Variants in ACTG2 observed in about 807,000 individuals in gnomAD.
ACTG2 encodes the protein actin, gamma-enteric smooth muscle.
ACTG2 carries 16 observed loss-of-function variants against 37.6 expected under a neutral mutation model. The ratio of observed to expected loss-of-function variants is 0.43; its 90% CI spans 0.29 to 0.65. The LOEUF is 0.65. Among genes scored for constraint, ACTG2 ranks in the 30% least tolerant of loss-of-function variants. The probability of loss-of-function intolerance (pLI) is 0.18; values close to 1 mark genes in which losing one functional copy is unlikely to be tolerated. For missense variants in ACTG2, 238 were observed against 490.9 expected (o/e 0.48, Z 4.87); for synonymous variants, 181 against 179.9 (o/e 1.01, Z -0.05).
intron 3 of ACTG2, among the ~76,000 whole-genome samples, chr2:73,906,839 T>C (rs1014173491): frequency 1.4e-4 from 21 of 152,288 alleles, no homozygotes; most frequent in Admixed American, 9.8e-4. Flanking sequence ...GTATAAAAAC[T>C]CCAAAAAAGA....
At chr2:73,913,434 G>A (rs1220114955) in intron 5 of ACTG2, 51 bp from the exon 6 acceptor site, 15 of 1,510,034 alleles carry the variant, frequency 9.9e-6, no homozygotes, top group Middle Eastern at 1.8e-4. Flanking sequence ...GAAAGAGACT[G>A]ATGAAAGGCA....
intron 5 of ACTG2, among the ~76,000 whole-genome samples, chr2:73,911,387 C>G (rs1212646398): frequency 6.6e-6 from 1 of 151,952 alleles, no homozygotes; most frequent in East Asian, 1.9e-4. Context: ...GTCCCAGCTA[C>G]TCGGTAGGCT....
intron 8 of ACTG2, 60 bp from the exon 9 acceptor site, chr2:73,919,372 G>T: frequency 6.4e-7 from 1 of 1,550,452 alleles, no homozygotes; most frequent in South Asian, 1.2e-5. Flanking sequence ...GTAGATTTTT[G>T]GACCACCTTG....
rs1679871289 is a variant in ACTG2 at position 73,901,446 on chromosome 2, T to C, written c.126+9T>C. On this transcript the variant is annotated intron_variant, in intron 2 of 8. Coordinates refer to ENST00000345517, the MANE Select transcript of ACTG2 (RefSeq NM_001615.4). ...GCCGCCCTCGCCACCAGGTGCGTGC[T>C]CATCTGGATACCACCAGGCTTTGAG... The C allele has an allele frequency of 6.2e-7, 1 of 1,613,682 alleles. No homozygotes were observed. The highest frequency in any genetic ancestry group is 8.5e-7 in the Non-Finnish European group (1 of 1,179,892).
Position 73,916,687 on chromosome 2 carries a change from C to A in ACTG2, c.909C>A (p.Gly303=). Residue 303 remains glycine, a synonymous_variant, in exon 8 of 9, where the codon GGC becomes GGA. Transcript: ENST00000345517. The part of the protein sequence containing the change: ...DLYANNVLSG[G]TTMYPGIADR... ...ATGCCAACAATGTCCTCTCTGGGGGCACCACCATGTACCCTGGCATTGCTG... is the reference window on the plus strand; with the variant it reads ...ATGCCAACAATGTCCTCTCTGGGGGAACCACCATGTACCCTGGCATTGCTG... 6.2e-7 allele frequency: 1 copy of A among 1,614,184 alleles called. No homozygotes were observed. Among genetic ancestry groups the A allele is most frequent in the Non-Finnish European group, 8.5e-7 (1 of 1,180,030 alleles).
intron 1 of ACTG2, among the ~76,000 whole-genome samples, chr2:73,899,051 C>G (rs1461559720): frequency 2.0e-5 from 3 of 152,026 alleles, no homozygotes; most frequent in African/African-American, 7.2e-5. Flanking sequence ...ACGTCGTGAT[C>G]CGCCCACCTT....
chr2:73,908,051 A>G (rs1680050272), intron 3 of ACTG2, among the ~76,000 whole-genome samples: 1 of 152,256 alleles, frequency 6.6e-6, no homozygotes. Flanking sequence ...AATGTCCTAC[A>G]GAAATGTGCA....
At chr2:73,913,437 G>A in intron 5 of ACTG2, 48 bp from the exon 6 acceptor site, 1 of 1,513,834 alleles carries the variant, frequency 6.6e-7, no homozygotes, top group Non-Finnish European at 8.9e-7. Flanking sequence ...AGAGACTGAT[G>A]AAAGGCAAGA....
At chr2:73,904,248 CAAAAAAAAA>C (rs61261289) in intron 3 of ACTG2, among the ~76,000 whole-genome samples, 1 of 65,208 alleles carries the variant, frequency 1.5e-5, no homozygotes, top group Non-Finnish European at 2.6e-5. Flanking sequence ...GACCATGTCT[CAAAAAAAAA>C]AAAAAAAAAA....
In ACTG2 at chr2:73,914,877, G is replaced by T; in HGVS notation, c.805+6G>T. 6.4e-7 allele frequency: 1 copy of T among 1,564,310 alleles called. No individual in the cohort carries two copies. Among genetic ancestry groups the T allele is most frequent in the Non-Finnish European group, 8.7e-7 (1 of 1,148,430 alleles). ...CTTCCAGCCTTCCTTTATTGGTGAG[G>T]TGCTGCCCACAGTCCCTGCCAATCT... On this transcript the variant is annotated splice_donor_region_variant and intron_variant, in intron 7 of 8. Transcript: ENST00000345517.
intron 1 of ACTG2, among the ~76,000 whole-genome samples, chr2:73,898,904 G>T (rs376106769): frequency 6.8e-6 from 1 of 146,804 alleles, no homozygotes; most frequent in African/African-American, 2.5e-5. Flanking sequence ...CCGGGTTCAC[G>T]CCATTCTCCT....
intron 5 of ACTG2, among the ~76,000 whole-genome samples, chr2:73,912,358 A>G (rs184397149): frequency 6.6e-6 from 1 of 152,292 alleles, no homozygotes; most frequent in East Asian, 1.9e-4. Flanking sequence ...GGGTTTCACC[A>G]TGTTGGCCAG....
intron 3 of ACTG2, among the ~76,000 whole-genome samples, chr2:73,907,716 G>T (rs1233330022): frequency 1.3e-5 from 2 of 152,128 alleles, no homozygotes; most frequent in Non-Finnish European, 2.9e-5. Context: ...TCTTAACCAG[G>T]ATGATTTTGC....
At chr2:73,908,230 G>A in intron 3 of ACTG2, 1 of 468,472 alleles carries the variant, frequency 2.1e-6, no homozygotes, top group South Asian at 1.5e-5. Context: ...CTGTGCTCAT[G>A]GAGGGCCACG....
intron 5 of ACTG2, among the ~76,000 whole-genome samples, chr2:73,912,323 A>T (rs1292584038): frequency 6.6e-6 from 1 of 152,038 alleles, no homozygotes; most frequent in East Asian, 1.9e-4. Flanking sequence ...GCACCCGGCT[A>T]ATTTTTGTAT....
rs78220372 is a variant in ACTG2, at chr2:73,916,046, A to C, written c.806-538A>C. 2.7e-3 allele frequency among the ~76,000 whole-genome samples: 414 copies of C among 152,306 alleles called. 4 individuals carry two copies. The highest frequency in any genetic ancestry group is 9.3e-3 in the African/African-American group (386 of 41,566). ...GTTATGAAAAAAGAAAGATGATATA[A>C]CAAAAGTGTTCCTTTAGAAATATGC... On this transcript the variant is annotated intron_variant, in intron 7 of 8. Transcript: ENST00000345517.
chr2:73,894,997 C>T (rs1004372622), intron 1 of ACTG2, among the ~76,000 whole-genome samples: 17 of 152,166 alleles, frequency 1.1e-4, no homozygotes, highest in Non-Finnish European at 1.8e-4. Flanking sequence ...CTGCAGCATG[C>T]GGTGGTCCTG....
At chr2:73,905,810 C>A (rs1458137743) in intron 3 of ACTG2, among the ~76,000 whole-genome samples, 1 of 151,816 alleles carries the variant, frequency 6.6e-6, no homozygotes, top group Non-Finnish European at 1.5e-5. Flanking sequence ...AAATAAATTG[C>A]AATATGCACA....
chr2:73,916,520 G>C (rs1680271535), intron 7 of ACTG2, 64 bp from the exon 8 acceptor site: 1 of 1,445,932 alleles, frequency 6.9e-7, no homozygotes, highest in Non-Finnish European at 9.4e-7. Context: ...GGTCATTTGA[G>C]GAGCTGGAGG....
Sources: allele counts gnomAD v4.1 joint callset (sites outside exome capture counted in the v4.1 genomes callset), GRCh38; gene constraint gnomAD v4.1.1; transcripts MANE v1.5; gene names NCBI Gene and HGNC (gene_info 2026-07-23, HGNC 2026-07-21).